CPNE4: variants seen among roughly 807,000 people sequenced by gnomAD.
CPNE4 encodes copine 4.
In CPNE4, 25 loss-of-function variants were observed where a neutral mutation model predicts 67.9. The observed-to-expected ratio is 0.37, with a 90% confidence interval of 0.27 to 0.51. The LOEUF is 0.51. Among genes scored for constraint, CPNE4 ranks in the 20% least tolerant of loss-of-function variants. The pLI, the probability that CPNE4 is intolerant of heterozygous loss-of-function variation, is 0.93. For synonymous variants in CPNE4, 242 were observed against 244.9 expected (o/e 0.99, Z 0.11); for missense variants, 464 against 690.8 (o/e 0.67, Z 3.68).
chr3:131,594,809 TTTAA>T (rs1172083922), intron 7 of CPNE4, among the ~76,000 whole-genome samples: 4 of 152,052 alleles, frequency 2.6e-5, no homozygotes, highest in Admixed American at 6.6e-5. Context: ...CTCATAAAGG[TTTAA>T]TTGTCTAAAT....
At chr3:132,018,520 A>G (rs2107685935) in intron 1 of CPNE4, among the ~76,000 whole-genome samples, 1 of 152,274 alleles carries the variant, frequency 6.6e-6, no homozygotes, top group Non-Finnish European at 1.5e-5. Flanking sequence ...ATGACAACTG[A>G]ATTTTGAAGT....
At chr3:131,930,896 A>G (rs2071042009) in intron 1 of CPNE4, among the ~76,000 whole-genome samples, 1 of 151,966 alleles carries the variant, frequency 6.6e-6, no homozygotes, top group South Asian at 2.1e-4. Flanking sequence ...CAAAATTTCT[A>G]CCTCTCTTCA....
intron 2 of CPNE4, among the ~76,000 whole-genome samples, chr3:131,858,547 C>T (rs2086545544): frequency 6.6e-6 from 1 of 152,062 alleles, no homozygotes; most frequent in Non-Finnish European, 1.5e-5. Context: ...TAGAAATTGG[C>T]ATGAAAGATA....
intron 2 of CPNE4, among the ~76,000 whole-genome samples, chr3:131,875,268 C>T (rs6787869): frequency 0.18 from 27,050 of 152,024 alleles, 3,019 homozygotes; most frequent in Non-Finnish European, 0.24. Context: ...GTCAGTGTGG[C>T]GATTCCTCAG....
intron 1 of CPNE4, among the ~76,000 whole-genome samples, chr3:131,960,109 C>CAGAGAAAGAGTGG (rs967999554): frequency 2.9e-5 from 3 of 102,888 alleles, no homozygotes; most frequent in African/African-American, 4.1e-5. Context: ...GAGAGGAAAG[C>CAGAGAAAGAGTGG]AGAGAAAGAG....
intron 2 of CPNE4, among the ~76,000 whole-genome samples, chr3:131,757,911 C>T (rs963398732): frequency 1.4e-4 from 22 of 152,296 alleles, no homozygotes; most frequent in Admixed American, 7.2e-4. Flanking sequence ...GCAGCTTCCA[C>T]GTGGTGTTGA....
intron 7 of CPNE4, among the ~76,000 whole-genome samples, chr3:131,646,310 C>T (rs1367089169): frequency 6.6e-6 from 1 of 152,154 alleles, no homozygotes. Flanking sequence ...TCATAACTTT[C>T]ATTGAAATGA....
chr3:131,675,534 G>A (rs899402702), intron 6 of CPNE4, among the ~76,000 whole-genome samples: 30 of 152,034 alleles, frequency 2.0e-4, no homozygotes, highest in African/African-American at 6.3e-4. Flanking sequence ...ATATTCTCTC[G>A]CTGAATTAAC....
At chr3:131,928,416 A>G (rs1056757547) in intron 1 of CPNE4, among the ~76,000 whole-genome samples, 1 of 152,180 alleles carries the variant, frequency 6.6e-6, no homozygotes, top group African/African-American at 2.4e-5. Flanking sequence ...AGGGAATTTT[A>G]TCGTGAAAGC....
chr3:131,808,511 A>C (rs1362206180), intron 2 of CPNE4, among the ~76,000 whole-genome samples: 1 of 144,934 alleles, frequency 6.9e-6, no homozygotes, highest in East Asian at 2.1e-4. Context: ...TCAAACTAAA[A>C]CTCAAAGAGA....
chr3:131,995,478 T>A (rs1222498656), intron 1 of CPNE4, among the ~76,000 whole-genome samples: 1 of 152,116 alleles, frequency 6.6e-6, no homozygotes, highest in Non-Finnish European at 1.5e-5. Flanking sequence ...AAACATTGCA[T>A]CCGACCATGA....
chr3:131,576,181 TC>T (rs763672671), intron 9 of CPNE4, among the ~76,000 whole-genome samples: 2 of 152,116 alleles, frequency 1.3e-5, no homozygotes, highest in Non-Finnish European at 2.9e-5. Context: ...TGTTGGTCTC[TC>T]TAGATACCAC....
At chr3:131,884,311 G>A (rs1004007444) in intron 2 of CPNE4, among the ~76,000 whole-genome samples, 2 of 152,166 alleles carry the variant, frequency 1.3e-5, no homozygotes, top group Admixed American at 6.5e-5. Flanking sequence ...TGAATTGCAG[G>A]AAATATTTAT....
At chr3:132,000,342 C>T (rs2073400164) in intron 1 of CPNE4, among the ~76,000 whole-genome samples, 1 of 151,938 alleles carries the variant, frequency 6.6e-6, no homozygotes, top group African/African-American at 2.4e-5. Context: ...CAAGTACTTA[C>T]TATGTGCTAA....
chr3:132,029,149 T>A (rs1013692984), intron 1 of CPNE4, among the ~76,000 whole-genome samples: 13 of 152,106 alleles, frequency 8.5e-5, no homozygotes, highest in African/African-American at 3.1e-4. Flanking sequence ...ATTTCCGGAT[T>A]CAGAGTTCTT....
At chr3:131,834,750 T>C (rs1040938789) in intron 2 of CPNE4, among the ~76,000 whole-genome samples, 5 of 152,134 alleles carry the variant, frequency 3.3e-5, no homozygotes, top group African/African-American at 9.7e-5. Context: ...TATAGATTTA[T>C]GCAAAATAAT....
At chr3:131,628,136 G>T (rs1582917531) in intron 7 of CPNE4, among the ~76,000 whole-genome samples, 1 of 152,124 alleles carries the variant, frequency 6.6e-6, no homozygotes, top group Admixed American at 6.5e-5. Flanking sequence ...TTAAGAAATT[G>T]CCACAGCCAC....
intron 2 of CPNE4, among the ~76,000 whole-genome samples, chr3:131,789,852 C>A (rs1052995381): frequency 2.0e-5 from 3 of 152,266 alleles, no homozygotes; most frequent in Admixed American, 6.5e-5. Context: ...GAATTCTGCA[C>A]AAGCAACCTT....
chr3:131,782,381 A>G (rs998803064), intron 2 of CPNE4, among the ~76,000 whole-genome samples: 1 of 152,138 alleles, frequency 6.6e-6, no homozygotes, highest in African/African-American at 2.4e-5. Context: ...ATTTTATTGA[A>G]GAATTTAATA....
Sources: allele counts gnomAD v4.1 joint callset (sites outside exome capture counted in the v4.1 genomes callset), GRCh38; gene constraint gnomAD v4.1.1; transcripts MANE v1.5; gene names NCBI Gene and HGNC (gene_info 2026-07-23, HGNC 2026-07-21).